MCTP1: variants seen among roughly 807,000 people sequenced by gnomAD.
The protein encoded by MCTP1 is multiple C2 and transmembrane domain containing 1, also known as multiple C2 and transmembrane domain-containing protein 1.
A neutral mutation model predicts 120.6 loss-of-function variants in MCTP1; 69 were observed. The observed-to-expected ratio is 0.57, with a 90% CI of 0.47 to 0.70. The LOEUF is 0.70. Among genes scored for constraint, MCTP1 ranks in the 30% least tolerant of loss-of-function variants. MCTP1 has a pLI of 0.00. For synonymous variants in MCTP1, 529 were observed against 493.1 expected (o/e 1.07, Z -0.96); for missense variants, 1,203 against 1,248.8 (o/e 0.96, Z 0.55).
At chr5:95,197,268 AG>A (rs1306956697) in intron 1 of MCTP1, among the ~76,000 whole-genome samples, 3 of 152,240 alleles carry the variant, frequency 2.0e-5, no homozygotes, top group African/African-American at 7.2e-5. Flanking sequence ...AATACTGATA[AG>A]ATTATATCTG....
At position 94,917,966 on chromosome 5, in the gene MCTP1, C is replaced by A; in HGVS notation, c.1280G>T (p.Gly427Val). ...SVKSLFWRTC[G>V]RPALPVLGFC... ...GCCCAGGACAGGAAGAGCTGGCCTG[C>A]CGCACGTCTGGATGGAAATGAATGA... Residue 427 changes from glycine to valine, a missense_variant, in exon 8 of 23, where the codon GGC becomes GTC. Gly to Val is a moderately radical substitution (Grantham distance 109). Around this residue, in one of 2 missense-constraint regions of MCTP1, gnomAD observed 740 missense variants for 871.1 expected, o/e 0.85. Coordinates refer to ENST00000515393, the MANE Select transcript of MCTP1 (RefSeq NM_024717.7). 6.2e-7 allele frequency: 1 copy of A among 1,613,470 alleles called. No homozygotes were observed. The highest frequency in any genetic ancestry group is 8.5e-7 in the Non-Finnish European group (1 of 1,179,436).
intron 2 of MCTP1, among the ~76,000 whole-genome samples, chr5:94,960,082 ATG>A (rs1169635240): frequency 1.3e-5 from 2 of 152,168 alleles, no homozygotes; most frequent in Non-Finnish European, 2.9e-5. Flanking sequence ...ATATAGACCA[ATG>A]GAACAGAACA....
intron 17 of MCTP1, among the ~76,000 whole-genome samples, chr5:94,859,827 C>T (rs954813993): frequency 2.6e-5 from 4 of 151,546 alleles, no homozygotes; most frequent in Non-Finnish European, 5.9e-5. Context: ...CTCCTTTTAA[C>T]CTTGGTGATC....
chr5:94,902,504 G>A (rs1805787262), intron 10 of MCTP1, among the ~76,000 whole-genome samples: 1 of 152,174 alleles, frequency 6.6e-6, no homozygotes, highest in Non-Finnish European at 1.5e-5. Flanking sequence ...GCCTCTATGA[G>A]AGGGGGTTTT....
At chr5:95,216,033 GA>G (rs1399205980) in intron 1 of MCTP1, among the ~76,000 whole-genome samples, 2 of 151,956 alleles carry the variant, frequency 1.3e-5, no homozygotes, top group African/African-American at 4.8e-5. Flanking sequence ...TTCTTTATTT[GA>G]AAAACTAAAA....
In MCTP1 at chr5:94,785,516, GT is replaced by G. The variant is rs2152961694; in HGVS notation, c.2557-6354del. 2.0e-5 allele frequency among the ~76,000 whole-genome samples: 3 copies of G among 152,162 alleles called. No homozygotes were observed. The South Asian group carries it at 6.2e-4, about 32-fold the overall frequency. ...TATACACCAAAGGCCAAAAAATTGA[GT>G]TGTTTAATGTGCTTTGCAAGTAAAA... is the stretch of plus-strand genomic sequence containing the variant. On this transcript the variant is annotated intron_variant, in intron 18 of 22. Coordinates refer to ENST00000515393, the MANE Select transcript of MCTP1 (RefSeq NM_024717.7).
intron 17 of MCTP1, among the ~76,000 whole-genome samples, chr5:94,830,334 A>C (rs1158029742): frequency 6.6e-6 from 1 of 152,248 alleles, no homozygotes; most frequent in Non-Finnish European, 1.5e-5. Context: ...TGTATTTATA[A>C]TTAAGTATCC....
intron 1 of MCTP1, among the ~76,000 whole-genome samples, chr5:95,169,005 G>T (rs1277682228): frequency 6.6e-6 from 1 of 152,106 alleles, no homozygotes; most frequent in Admixed American, 6.5e-5. Flanking sequence ...TCCAGTTTTT[G>T]CCCATTCAGT....
chr5:94,802,284 A>G (rs1485299260), intron 17 of MCTP1, among the ~76,000 whole-genome samples: 1 of 152,232 alleles, frequency 6.6e-6, no homozygotes, highest in African/African-American at 2.4e-5. Flanking sequence ...GAAGATTTCA[A>G]AAGGTTAAAG....
chr5:95,207,967 G>A (rs78992411), intron 1 of MCTP1, among the ~76,000 whole-genome samples: 1 of 101,164 alleles, frequency 9.9e-6, no homozygotes, highest in African/African-American at 3.1e-5. Flanking sequence ...GGGAGAGAGA[G>A]GGAGAGAGAG....
At chr5:94,955,242 C>T (rs899497803) in intron 2 of MCTP1, among the ~76,000 whole-genome samples, 2 of 152,176 alleles carry the variant, frequency 1.3e-5, no homozygotes, top group African/African-American at 4.8e-5. Context: ...GGCCCAGATA[C>T]TATGCTTTTC....
intron 18 of MCTP1, among the ~76,000 whole-genome samples, chr5:94,788,516 G>A (rs1186142481): frequency 6.6e-6 from 1 of 151,922 alleles, no homozygotes; most frequent in Non-Finnish European, 1.5e-5. Flanking sequence ...TCACCTTTCT[G>A]AACCAAGGAC....
intron 19 of MCTP1, among the ~76,000 whole-genome samples, chr5:94,773,897 G>A (rs72775317): frequency 0.034 from 5,167 of 151,966 alleles, 158 homozygotes; most frequent in East Asian, 0.15. Flanking sequence ...TATTGTGTGC[G>A]GACACGGCCA....
intron 2 of MCTP1, among the ~76,000 whole-genome samples, chr5:94,956,778 C>A (rs1822736177): frequency 6.6e-6 from 1 of 151,902 alleles, no homozygotes; most frequent in Non-Finnish European, 1.5e-5. Context: ...GTAAAGAGAC[C>A]AAACCTACGT....
At chr5:95,124,653 C>T (rs548413214) in intron 1 of MCTP1, among the ~76,000 whole-genome samples, 10 of 152,258 alleles carry the variant, frequency 6.6e-5, no homozygotes, top group African/African-American at 1.9e-4. Context: ...AAAGTCCTAT[C>T]CCAGCCTTTA....
chr5:95,238,611 A>T (rs1013063152), intron 1 of MCTP1, among the ~76,000 whole-genome samples: 5 of 152,162 alleles, frequency 3.3e-5, no homozygotes, highest in Non-Finnish European at 5.9e-5. Flanking sequence ...CACATAGCTC[A>T]TTCAGGAAAA....
At chr5:95,169,668 C>T (rs186070386) in intron 1 of MCTP1, among the ~76,000 whole-genome samples, 3 of 152,220 alleles carry the variant, frequency 2.0e-5, no homozygotes, top group East Asian at 3.9e-4. Flanking sequence ...TCTAGATTTT[C>T]GAGTTTATTT....
At position 94,768,470 on chromosome 5, in the gene MCTP1, C is replaced by T. The variant is rs547644035; in HGVS notation, c.2610+10640G>A. 2.0e-4 allele frequency among the ~76,000 whole-genome samples: 30 copies of T among 151,148 alleles called. 1 individual carries two copies. The South Asian group carries it at 5.8e-3, about 29-fold the overall frequency. On this transcript the variant is annotated intron_variant, in intron 19 of 22. Coordinates refer to ENST00000515393, the MANE Select transcript of MCTP1 (RefSeq NM_024717.7). ...ATAATAAGAACGAAGAAACAGCTCTCTTTTGCAACTATTTATCCAACAAGC... is the reference window on the plus strand; with the variant it reads ...ATAATAAGAACGAAGAAACAGCTCTTTTTTGCAACTATTTATCCAACAAGC...
intron 17 of MCTP1, among the ~76,000 whole-genome samples, chr5:94,816,094 T>C (rs1254259017): frequency 1.3e-5 from 2 of 152,216 alleles, no homozygotes; most frequent in Non-Finnish European, 2.9e-5. Context: ...GTAAGCTTTT[T>C]TTAATTGAGA....
Sources: gnomAD v4.1 joint callset for allele counts (sites outside exome capture counted in the v4.1 genomes callset) on GRCh38, gnomAD v4.1.1 for gene constraint, gnomAD v4.1.1 regional missense constraint, MANE v1.5 for transcripts, NCBI Gene and HGNC (gene_info 2026-07-23, HGNC 2026-07-21) for gene names.